Variants in DYM observed in about 807,000 individuals in gnomAD.
DYM encodes the protein dymeclin, also known as dyggve-Melchior-Clausen syndrome protein.
Under a neutral mutation model 93.1 loss-of-function variants are expected in DYM, and 78 were observed. The observed-to-expected ratio is 0.84, with a 90% CI of 0.70 to 1.01. The LOEUF (loss-of-function observed/expected upper bound fraction) is 1.01, where lower values mean the gene tolerates loss of function less well. Among genes scored for constraint, DYM ranks in the 50% least tolerant of loss-of-function variants. The probability of loss-of-function intolerance (pLI) is 0.00; values close to 1 mark genes in which losing one functional copy is unlikely to be tolerated. For missense variants in DYM, 789 were observed against 845.0 expected, an observed-to-expected ratio of 0.93 and a Z score of 0.82; for synonymous variants, 321 against 319.7, an observed-to-expected ratio of 1.00 and a Z score of -0.04.
chr18:49,052,061 G>A (rs984915198), intron 17 of DYM, among the ~76,000 whole-genome samples: 32 of 152,190 alleles, frequency 2.1e-4, no homozygotes, highest in Non-Finnish European at 3.7e-4. Context: ...AAGGGTAATC[G>A]CACTCTGTTT....
chr18:49,206,901 G>C (rs1460187737), intron 14 of DYM, among the ~76,000 whole-genome samples: 1 of 152,144 alleles, frequency 6.6e-6, no homozygotes, highest in African/African-American at 2.4e-5. Flanking sequence ...TGTTGAAAGA[G>C]GAAACAGAAA....
At chr18:49,411,804 T>G (rs898017160) in intron 2 of DYM, 6 of 152,174 alleles carry the variant, frequency 3.9e-5, no homozygotes. Flanking sequence ...ATACAAATTC[T>G]GATAAATATA....
At chr18:49,166,395 T>C (rs965009477) in intron 14 of DYM, among the ~76,000 whole-genome samples, 1 of 152,190 alleles carries the variant, frequency 6.6e-6, no homozygotes, top group Non-Finnish European at 1.5e-5. Flanking sequence ...CCATTATTAA[T>C]CACTCACTGC....
At chr18:49,081,525 AGGGGAGAG>A (rs1185814682) in intron 17 of DYM, among the ~76,000 whole-genome samples, 485 of 1,544 alleles carry the variant, frequency 0.31, 3 homozygotes, top group African/African-American at 0.36. Flanking sequence ...CGAGAGGGAG[AGGGGAGAG>A]GGGAGAGGGG....
At chr18:49,105,753 C>T (rs1281816009) in intron 16 of DYM, among the ~76,000 whole-genome samples, 6 of 152,210 alleles carry the variant, frequency 3.9e-5, no homozygotes, top group South Asian at 4.1e-4. Flanking sequence ...TCTAGTTTGA[C>T]TGCACTGTGG....
rs2070762953 is a variant in DYM, at chr18:49,037,876, G to T, written c.*6179C>A. Among the ~76,000 whole-genome samples the T allele has an allele frequency of 6.6e-6, 1 of 152,202 alleles. No individual in the cohort carries two copies. The highest frequency in any genetic ancestry group is 2.1e-4 in the South Asian group (1 of 4,838). ...GTCTTGCTCTGTCACCCAAGCTGGA[G>T]TGCAGTAGTGCAATTATAGCTCACT... is the stretch of plus-strand genomic sequence containing the variant. On this transcript the variant is annotated 3_prime_UTR_variant, in exon 18 of 18. Transcript: ENST00000675505.
At chr18:49,375,288 CAT>C (rs536395770) in intron 5 of DYM, among the ~76,000 whole-genome samples, 401 of 150,690 alleles carry the variant, frequency 2.7e-3, no homozygotes, top group African/African-American at 9.2e-3. Flanking sequence ...CATATATACA[CAT>C]ATATATATGT....
At chr18:49,288,831 G>C (rs1375926982) in intron 8 of DYM, among the ~76,000 whole-genome samples, 1 of 151,788 alleles carries the variant, frequency 6.6e-6, no homozygotes, top group Non-Finnish European at 1.5e-5. Flanking sequence ...ATGTCTCTAA[G>C]TAAATCTAAA....
chr18:49,151,013 C>G (rs1350873241), intron 15 of DYM, among the ~76,000 whole-genome samples: 5 of 152,184 alleles, frequency 3.3e-5, no homozygotes, highest in African/African-American at 1.2e-4. Flanking sequence ...ACATTCCAAT[C>G]ATGGAATGAC....
intron 15 of DYM, among the ~76,000 whole-genome samples, chr18:49,144,715 G>T (rs1055451355): frequency 2.0e-5 from 3 of 152,068 alleles, no homozygotes; most frequent in African/African-American, 7.2e-5. Context: ...AGTCCATGCA[G>T]GTACTTCCTA....
At chr18:49,441,974 T>C (rs1197287879) in intron 1 of DYM, among the ~76,000 whole-genome samples, 1 of 152,196 alleles carries the variant, frequency 6.6e-6, no homozygotes, top group Non-Finnish European at 1.5e-5. Flanking sequence ...GTCAACTTGC[T>C]ACAGCTCCAC....
Position 49,038,341 on chromosome 18 carries a change from T to A in DYM, c.*5714A>T, listed in dbSNP as rs1421143119. Among the ~76,000 whole-genome samples, 1 of 152,220 alleles carries A rather than the reference T, an allele frequency of 6.6e-6. No homozygotes were observed. The highest frequency in any genetic ancestry group is 1.9e-4 in the East Asian group (1 of 5,204). On this transcript the variant is annotated 3_prime_UTR_variant, in exon 18 of 18. Coordinates refer to ENST00000675505, the MANE Select transcript of DYM (RefSeq NM_001353214.3). The stretch of plus-strand genomic sequence containing the variant: ...GTTGCATATTTGTCTAAATTTCCTA[T>A]CAAATTTTCTTTTACATATTTTGAG...
intron 15 of DYM, among the ~76,000 whole-genome samples, chr18:49,135,132 A>G (rs1020015456): frequency 2.6e-5 from 4 of 152,154 alleles, no homozygotes; most frequent in Admixed American, 2.6e-4. Context: ...ACATAAAAAA[A>G]CCACTTCTCT....
At chr18:49,214,754 A>C (rs574701833) in intron 13 of DYM, among the ~76,000 whole-genome samples, 1 of 152,344 alleles carries the variant, frequency 6.6e-6, no homozygotes, top group Admixed American at 6.5e-5. Flanking sequence ...AGCTAATTAC[A>C]TTAGCATAAC....
intron 15 of DYM, among the ~76,000 whole-genome samples, chr18:49,155,893 CAT>C (rs1262959377): frequency 6.6e-6 from 1 of 152,200 alleles, no homozygotes; most frequent in African/African-American, 2.4e-5. Context: ...TTCAGGTAGA[CAT>C]ATGTTTTCAA....
At chr18:49,388,278 G>A (rs78785434) in intron 3 of DYM, among the ~76,000 whole-genome samples, 13,890 of 151,996 alleles carry the variant, frequency 0.091, 863 homozygotes, top group East Asian at 0.31. Context: ...TGCAGTGAGC[G>A]GTGATAGTGC....
At chr18:49,294,390 T>C (rs2060384368) in intron 8 of DYM, among the ~76,000 whole-genome samples, 1 of 152,230 alleles carries the variant, frequency 6.6e-6, no homozygotes, top group South Asian at 2.1e-4. Flanking sequence ...GCATTGAAAC[T>C]ATAAATTACT....
chr18:49,259,125 AAG>A (rs2094450517), intron 11 of DYM, among the ~76,000 whole-genome samples: 2 of 152,184 alleles, frequency 1.3e-5, no homozygotes, highest in South Asian at 2.1e-4. Context: ...ATGAAAAAGG[AAG>A]AGACTGCTGG....
In DYM at chr18:49,379,671, C is replaced by T. The variant is rs1049649508; in HGVS notation, c.281G>A (p.Cys94Tyr). The change falls in exon 4 of 18, where the codon TGT becomes TAT. Residue 94 changes from cysteine to tyrosine, a missense_variant. Around this residue, in one of 3 missense-constraint regions of DYM, gnomAD observed 450 missense variants for 436.2 expected, o/e 1.03. Coordinates refer to ENST00000675505, the MANE Select transcript of DYM (RefSeq NM_001353214.3). ...RTKELKLSAE[C>Y]QNHIFIWQTH... The stretch of plus-strand genomic sequence containing the variant: ...GTTTAATTAGCCAGCTTACTTCTGA[C>T]ATTCTGCTGAAAGTTTTAGTTCTTT... 1.6e-5 allele frequency: 25 copies of T among 1,610,372 alleles called. No homozygotes were observed. In the Admixed American group the frequency reaches 3.3e-4, roughly 21 times the overall value.
Sources: gnomAD v4.1 joint callset for allele counts (sites outside exome capture counted in the v4.1 genomes callset) on GRCh38, gnomAD v4.1.1 for gene constraint, gnomAD v4.1.1 regional missense constraint, MANE v1.5 for transcripts, NCBI Gene and HGNC (gene_info 2026-07-23, HGNC 2026-07-21) for gene names.